SKAP2: variants seen among roughly 807,000 people sequenced by gnomAD.
SKAP2 encodes the protein src kinase associated phosphoprotein 2.
Under a neutral mutation model 54.9 loss-of-function variants are expected in SKAP2, and 28 were observed. The observed-to-expected ratio is 0.51, with a 90% CI of 0.38 to 0.70. The LOEUF is 0.70. Ranked by LOEUF, SKAP2 falls within the 30% of genes least tolerant of loss-of-function variation. The pLI is 0.00. For missense variants in SKAP2, 356 were observed against 424.1 expected, an observed-to-expected ratio of 0.84 and a Z score of 1.41; for synonymous variants, 137 against 134.3, an observed-to-expected ratio of 1.02 and a Z score of -0.14.
At chr7:26,750,399 A>C (rs1782656514) in intron 4 of SKAP2, among the ~76,000 whole-genome samples, 1 of 150,612 alleles carries the variant, frequency 6.6e-6, no homozygotes, top group South Asian at 2.1e-4. Flanking sequence ...GCAACCTCCA[A>C]CCACCAGGTT....
intron 9 of SKAP2, among the ~76,000 whole-genome samples, chr7:26,719,732 G>T (rs916111769): frequency 6.6e-6 from 1 of 152,128 alleles, no homozygotes; most frequent in African/African-American, 2.4e-5. Flanking sequence ...CTCCTTGAAG[G>T]AAACGTGATA....
intron 4 of SKAP2, among the ~76,000 whole-genome samples, chr7:26,815,948 C>G (rs1407835584): frequency 2.0e-5 from 3 of 152,078 alleles, no homozygotes; most frequent in African/African-American, 7.2e-5. Flanking sequence ...AGCTCCATTA[C>G]TTAAAAATCA....
At chr7:26,751,449 T>C (rs1209104644) in intron 4 of SKAP2, among the ~76,000 whole-genome samples, 2 of 152,184 alleles carry the variant, frequency 1.3e-5, no homozygotes, top group East Asian at 3.8e-4. Context: ...GCAAATACGT[T>C]CCCAAACATT....
intron 11 of SKAP2, among the ~76,000 whole-genome samples, chr7:26,684,406 G>C (rs1409364146): frequency 6.6e-6 from 1 of 152,084 alleles, no homozygotes; most frequent in Admixed American, 6.6e-5. Context: ...AAAGGAAGAG[G>C]AAAGAAAAGC....
intron 9 of SKAP2, among the ~76,000 whole-genome samples, chr7:26,716,837 T>C (rs906109124): frequency 2.0e-5 from 3 of 152,206 alleles, no homozygotes; most frequent in African/African-American, 4.8e-5. Context: ...CTGGCATGCT[T>C]TCACTACCCC....
At chr7:26,656,561 C>A in the SKAP2 span, among the ~76,000 whole-genome samples, 1 of 152,128 alleles carries the variant, frequency 6.6e-6, no homozygotes, top group African/African-American at 2.4e-5. Flanking sequence ...TACAGATGTG[C>A]AGATCAGTTA....
chr7:26,793,517 A>T (rs760666049), intron 4 of SKAP2, among the ~76,000 whole-genome samples: 17 of 152,216 alleles, frequency 1.1e-4, no homozygotes, highest in Middle Eastern at 3.4e-3. Flanking sequence ...AAGTTTTAAA[A>T]TTTTTTTCTA....
intron 1 of SKAP2, among the ~76,000 whole-genome samples, chr7:26,862,311 A>G (rs766825648): frequency 2.0e-5 from 3 of 152,064 alleles, no homozygotes; most frequent in Admixed American, 6.5e-5. Context: ...AACTTTCCAA[A>G]TAAGTTTTTT....
chr7:26,776,069 C>T (rs1562606194), intron 4 of SKAP2, among the ~76,000 whole-genome samples: 1 of 152,002 alleles, frequency 6.6e-6, no homozygotes, highest in East Asian at 1.9e-4. Flanking sequence ...TAGTACTTAC[C>T]TTTCTCAAGT....
intron 4 of SKAP2, among the ~76,000 whole-genome samples, chr7:26,746,029 C>G (rs188731167): frequency 2.0e-5 from 3 of 152,252 alleles, no homozygotes; most frequent in Non-Finnish European, 4.4e-5. Flanking sequence ...CATACATTTT[C>G]AGGTGCCAGT....
intron 4 of SKAP2, among the ~76,000 whole-genome samples, chr7:26,763,764 T>C (rs1448135918): frequency 6.6e-6 from 1 of 152,048 alleles, no homozygotes; most frequent in African/African-American, 2.4e-5. Flanking sequence ...CAAACTTAGA[T>C]GGTACAGCCT....
At chr7:26,762,995 C>T (rs1782965754) in intron 4 of SKAP2, among the ~76,000 whole-genome samples, 1 of 152,080 alleles carries the variant, frequency 6.6e-6, no homozygotes, top group African/African-American at 2.4e-5. Context: ...GCTAGTCAGG[C>T]ATTAGTTTCT....
Position 26,772,032 on chromosome 7 carries a change from G to A in SKAP2, c.308-32068C>T, listed in dbSNP as rs546664518. On this transcript the variant is annotated intron_variant, in intron 4 of 12. Coordinates refer to ENST00000345317, the MANE Select transcript of SKAP2 (RefSeq NM_003930.5). ...AAATAAATAATGGTTATTAAATACA[G>A]ACATGTACTATGGGGATTATACTTT... Among the ~76,000 whole-genome samples the A allele has an allele frequency of 7.9e-5, 12 of 152,222 alleles. No individual in the cohort carries two copies. In the South Asian group the frequency reaches 2.3e-3, roughly 29 times the overall value.
At chr7:26,781,729 G>A (rs893035566) in intron 4 of SKAP2, among the ~76,000 whole-genome samples, 2 of 152,072 alleles carry the variant, frequency 1.3e-5, no homozygotes, top group Admixed American at 6.6e-5. Context: ...CAAGACCTAC[G>A]ATCTGACCTC....
chr7:26,804,606 G>A (rs376433839), intron 4 of SKAP2, among the ~76,000 whole-genome samples: 1 of 151,952 alleles, frequency 6.6e-6, no homozygotes, highest in East Asian at 1.9e-4. Context: ...AGGCATGGTG[G>A]CACGCACCTG....
At chr7:26,811,985 T>C (rs1784156042) in intron 4 of SKAP2, among the ~76,000 whole-genome samples, 1 of 152,228 alleles carries the variant, frequency 6.6e-6, no homozygotes, top group Admixed American at 6.5e-5. Context: ...ACTTTGGGAA[T>C]TTATTTGCAG....
chr7:26,843,197 A>C lies in SKAP2; in HGVS notation c.307+833T>G, dbSNP rs1490238046. 3.9e-5 allele frequency among the ~76,000 whole-genome samples: 6 copies of C among 152,164 alleles called. No individual in the cohort carries two copies. In the South Asian group the frequency reaches 6.2e-4, roughly 16 times the overall value. On this transcript the variant is annotated intron_variant, in intron 4 of 12. Transcript: ENST00000345317. ...TTTCATTCAGCAATTGTATTTAGAG[A>C]TGGAACTGCACAGTTTGATCATCAC...
chr7:26,770,233 T>G (rs1783157279), intron 4 of SKAP2, among the ~76,000 whole-genome samples: 1 of 152,156 alleles, frequency 6.6e-6, no homozygotes, highest in Non-Finnish European at 1.5e-5. Context: ...TTTGAACTTC[T>G]GGGTGGCTTT....
At chr7:26,801,196 C>T (rs1359611475) in intron 4 of SKAP2, among the ~76,000 whole-genome samples, 1 of 151,990 alleles carries the variant, frequency 6.6e-6, no homozygotes, top group Non-Finnish European at 1.5e-5. Context: ...GCAAGGATGG[C>T]TCAACATATA....
Sources: gnomAD v4.1 joint callset for allele counts (sites outside exome capture counted in the v4.1 genomes callset) on GRCh38, gnomAD v4.1.1 for gene constraint, MANE v1.5 for transcripts, NCBI Gene and HGNC (gene_info 2026-07-23, HGNC 2026-07-21) for gene names.